The following VWC2 variants were observed in gnomAD, a reference collection of about 807,000 sequenced individuals.
VWC2 encodes von Willebrand factor C domain containing 2, also known as brorin.
A neutral mutation model predicts 29.8 loss-of-function variants in VWC2; 14 were observed. That is an observed-to-expected ratio of 0.47 (90% CI 0.31 to 0.74). The LOEUF (loss-of-function observed/expected upper bound fraction) is 0.74, where lower values mean the gene tolerates loss of function less well. Ranked by LOEUF, VWC2 falls within the 30% of genes least tolerant of loss-of-function variation. The pLI is 0.05. For synonymous variants in VWC2, 213 were observed against 199.0 expected, an observed-to-expected ratio of 1.07 and a Z score of -0.59; for missense variants, 457 against 459.8, an observed-to-expected ratio of 0.99 and a Z score of 0.05.
rs1228007524 is a variant in VWC2, at chr7:49,913,729, A to G, written c.*1544A>G. 2 of 152,190 alleles carry G rather than the reference A, an allele frequency of 1.3e-5. No homozygotes were observed. The highest frequency in any genetic ancestry group is 2.9e-5 in the Non-Finnish European group (2 of 68,020). The allele number at this position is 152,190 out of a possible 1,614,324, so 9.4% of individuals were successfully genotyped here. A position where few individuals can be genotyped will look rare whatever the true frequency, so the allele number is the denominator to read the frequency against. ...TAGAGACCAGCAAATGGAGATTAGA[A>G]AGCCTTCCTAATGAGAAGATGGAGA... On this transcript the variant is annotated 3_prime_UTR_variant, in exon 4 of 4. Transcript: ENST00000340652.
intron 3 of VWC2, among the ~76,000 whole-genome samples, chr7:49,847,530 T>C (rs1789990105): frequency 6.6e-6 from 1 of 152,072 alleles, no homozygotes; most frequent in Non-Finnish European, 1.5e-5. Context: ...TATGGTAAGG[T>C]CAACAGATCA....
chr7:49,890,345 C>T (rs1412801422), intron 3 of VWC2, among the ~76,000 whole-genome samples: 2 of 152,156 alleles, frequency 1.3e-5, no homozygotes, highest in Admixed American at 6.5e-5. Flanking sequence ...GTAGGACCAT[C>T]AGGAAGACAA....
chr7:49,781,639 G>T (rs1255468083), intron 2 of VWC2, among the ~76,000 whole-genome samples: 1 of 152,116 alleles, frequency 6.6e-6, no homozygotes, highest in Admixed American at 6.5e-5. Context: ...TAGTGTCTTC[G>T]TGACCATATG....
chr7:49,910,859 T>TC (rs1793371104), intron 3 of VWC2, among the ~76,000 whole-genome samples: 1 of 152,130 alleles, frequency 6.6e-6, no homozygotes, highest in Non-Finnish European at 1.5e-5. Context: ...CCTGAGAACT[T>TC]ATCAAAGCAA....
rs1478803318 is a variant in VWC2, at chr7:49,913,509, T to C, written c.*1324T>C. 1 of 152,190 alleles carries C rather than the reference T, an allele frequency of 6.6e-6. No individual in the cohort carries two copies. Among genetic ancestry groups the C allele is most frequent in the Non-Finnish European group, 1.5e-5 (1 of 68,040 alleles). The allele number at this position is 152,190 out of a possible 1,614,324, so 9.4% of individuals were successfully genotyped here. On this transcript the variant is annotated 3_prime_UTR_variant, in exon 4 of 4. Transcript: ENST00000340652. ...TATTAATGTCTTTAAAGGATTAAAA[T>C]ATATATAATCATTATTTGAAGCCTC...
intron 2 of VWC2, among the ~76,000 whole-genome samples, chr7:49,801,251 G>A (rs1788729985): frequency 6.6e-6 from 1 of 152,222 alleles, no homozygotes; most frequent in African/African-American, 2.4e-5. Context: ...CTTACAAGCG[G>A]TATTTGTATC....
chr7:49,903,297 A>G (rs954580403), intron 3 of VWC2, among the ~76,000 whole-genome samples: 1 of 152,206 alleles, frequency 6.6e-6, no homozygotes, highest in Non-Finnish European at 1.5e-5. Flanking sequence ...CACAGAAAAT[A>G]TTCAGCTTTA....
intron 3 of VWC2, among the ~76,000 whole-genome samples, chr7:49,809,359 A>G (rs1187879380): frequency 1.3e-5 from 2 of 151,978 alleles, no homozygotes; most frequent in Non-Finnish European, 2.9e-5. Context: ...AACAAATAAA[A>G]TACAAATTAA....
intron 3 of VWC2, among the ~76,000 whole-genome samples, chr7:49,871,706 G>A (rs1791152989): frequency 6.6e-6 from 1 of 151,776 alleles, no homozygotes; most frequent in African/African-American, 2.4e-5. Flanking sequence ...GTTGGGCAGG[G>A]GATTTAGATC....
chr7:49,898,105 T>A (rs150589036), intron 3 of VWC2, among the ~76,000 whole-genome samples: 2 of 152,154 alleles, frequency 1.3e-5, no homozygotes, highest in East Asian at 3.9e-4. Context: ...TATGTATGCT[T>A]TACATATATG....
intron 3 of VWC2, among the ~76,000 whole-genome samples, chr7:49,871,716 C>G (rs1791153206): frequency 6.6e-6 from 1 of 151,304 alleles, no homozygotes; most frequent in South Asian, 2.1e-4. Context: ...GGATTTAGAT[C>G]AGGTAAGGAA....
chr7:49,843,280 T>G (rs1423969491), intron 3 of VWC2, among the ~76,000 whole-genome samples: 2 of 152,192 alleles, frequency 1.3e-5, no homozygotes, highest in Non-Finnish European at 2.9e-5. Flanking sequence ...AACTTCATTT[T>G]CTCATGGGTG....
At chr7:49,824,084 A>C (rs1026429503) in intron 3 of VWC2, among the ~76,000 whole-genome samples, 3 of 152,080 alleles carry the variant, frequency 2.0e-5, no homozygotes, top group Non-Finnish European at 4.4e-5. Context: ...ATATCTTTTA[A>C]GAAGAGCAGA....
intron 3 of VWC2, among the ~76,000 whole-genome samples, chr7:49,858,078 T>A (rs1295353682): frequency 6.6e-6 from 1 of 152,210 alleles, no homozygotes; most frequent in Non-Finnish European, 1.5e-5. Flanking sequence ...CCACACTGAC[T>A]TCCACAATGG....
At chr7:49,845,506 G>C (rs868136724) in intron 3 of VWC2, among the ~76,000 whole-genome samples, 1 of 152,186 alleles carries the variant, frequency 6.6e-6, no homozygotes, top group Non-Finnish European at 1.5e-5. Context: ...ATGTAGAATG[G>C]TGAAGGAATA....
At chr7:49,899,338 T>C (rs902259146) in intron 3 of VWC2, among the ~76,000 whole-genome samples, 2 of 152,078 alleles carry the variant, frequency 1.3e-5, no homozygotes, top group East Asian at 3.9e-4. Context: ...GCAAAAAAAT[T>C]AAAGTTTAGG....
rs1175563944 is a variant in VWC2 at position 49,775,805 on chromosome 7, G to C, written c.370G>C (p.Ala124Pro). The change falls in exon 2 of 4, where the codon GCC becomes CCC. Residue 124 changes from alanine to proline, a missense_variant. By Grantham distance (27) the Ala-to-Pro change is conservative. Transcript: ENST00000340652. ...RGDTPQAEAL[A>P]AAAQDAIGPE... ...GGACACCCCGCAGGCGGAAGCCCTG[G>C]CCGCAGCCGCCCAGGACGCGATTGG... The C allele has an allele frequency of 7.2e-6, 11 of 1,537,488 alleles. 1 individual carries two copies. In the Middle Eastern group the frequency reaches 6.7e-4, roughly 94 times the overall value.
intron 3 of VWC2, among the ~76,000 whole-genome samples, chr7:49,891,523 A>C (rs1792126983): frequency 6.6e-6 from 1 of 152,212 alleles, no homozygotes; most frequent in Non-Finnish European, 1.5e-5. Flanking sequence ...TTAGCAGAGA[A>C]TATCCAAACA....
intron 3 of VWC2, among the ~76,000 whole-genome samples, chr7:49,838,155 ATC>A (rs1335090632): frequency 6.6e-6 from 1 of 152,184 alleles, no homozygotes; most frequent in African/African-American, 2.4e-5. Context: ...CTATCCCCCC[ATC>A]TAATGCCAGC....
Sources: gnomAD v4.1 joint callset for allele counts (sites outside exome capture counted in the v4.1 genomes callset) on GRCh38, gnomAD v4.1.1 for gene constraint, MANE v1.5 for transcripts, NCBI Gene and HGNC (gene_info 2026-07-23, HGNC 2026-07-21) for gene names.